Variants in ADCY9 observed in about 807,000 individuals in gnomAD.
The protein encoded by ADCY9 is adenylate cyclase 9.
Under a neutral mutation model 101.5 loss-of-function variants are expected in ADCY9, and 50 were observed. The observed-to-expected ratio is 0.49, with a 90% confidence interval of 0.39 to 0.62. ADCY9 has a LOEUF of 0.62. Ranked by LOEUF, ADCY9 falls within the 20% of genes least tolerant of loss-of-function variation. The probability of loss-of-function intolerance (pLI) is 0.00; values close to 1 mark genes in which losing one functional copy is unlikely to be tolerated. For synonymous variants in ADCY9, 905 were observed against 769.3 expected, an observed-to-expected ratio of 1.18 and a Z score of -2.92; for missense variants, 1,662 against 1,800.4, an observed-to-expected ratio of 0.92 and a Z score of 1.39.
intron 2 of ADCY9, among the ~76,000 whole-genome samples, chr16:4,031,631 C>G (rs574648224): frequency 1.3e-5 from 2 of 152,266 alleles, no homozygotes; most frequent in Non-Finnish European, 1.5e-5. Flanking sequence ...CACCTGGAAT[C>G]GCAGCACTTT....
chr16:3,993,826 C>T (rs549697083), intron 3 of ADCY9, among the ~76,000 whole-genome samples: 6 of 152,200 alleles, frequency 3.9e-5, no homozygotes, highest in Non-Finnish European at 8.8e-5. Context: ...GAAGCACTGA[C>T]GCCTGCCACA....
chr16:3,984,955 C>CT (rs1484386030), intron 6 of ADCY9, among the ~76,000 whole-genome samples: 1 of 152,070 alleles, frequency 6.6e-6, no homozygotes, highest in African/African-American at 2.4e-5. Flanking sequence ...GGGAGCAAGG[C>CT]TGCCAGTCAG....
At position 4,044,144 on chromosome 16, in the gene ADCY9, C is replaced by G. The variant is rs189157472; in HGVS notation, c.1694-36586G>C. 6.8e-4 allele frequency among the ~76,000 whole-genome samples: 103 copies of G among 152,128 alleles called. 1 individual carries two copies. In the Middle Eastern group the frequency reaches 0.014, roughly 20 times the overall value. On this transcript the variant is annotated intron_variant, in intron 2 of 10. Transcript: ENST00000294016. ...GGCGGATCACCTGAGATCAGGAGTT[C>G]GACACCAGTCTAGCCAACATGGTGC...
intron 2 of ADCY9, among the ~76,000 whole-genome samples, chr16:4,065,971 T>G (rs941419449): frequency 6.6e-6 from 1 of 152,248 alleles, no homozygotes; most frequent in Admixed American, 6.5e-5. Flanking sequence ...CCCAAAGTGC[T>G]GGGATTACAG....
In ADCY9 at chr16:3,979,105, C is replaced by G. The variant is rs778577558; in HGVS notation, c.2679+11G>C. The G allele has an allele frequency of 6.2e-7, 1 of 1,614,130 alleles. No individual in the cohort carries two copies. Among genetic ancestry groups the G allele is most frequent in the African/African-American group, 1.3e-5 (1 of 75,030 alleles). On this transcript the variant is annotated intron_variant, in intron 8 of 10. Coordinates refer to ENST00000294016, the MANE Select transcript of ADCY9 (RefSeq NM_001116.4). The stretch of plus-strand genomic sequence containing the variant: ...AGAGCGTGGAAATAAAACGGCTGAG[C>G]CTTTACTTACGTGTATGTTGGTCTC...
chr16:4,039,866 C>T (rs1405285051), intron 2 of ADCY9, among the ~76,000 whole-genome samples: 2 of 151,958 alleles, frequency 1.3e-5, no homozygotes, highest in African/African-American at 4.8e-5. Context: ...TAGTGAGATC[C>T]CATCTCTACG....
chr16:4,042,306 A>G (rs1055221118), intron 2 of ADCY9, among the ~76,000 whole-genome samples: 3 of 152,028 alleles, frequency 2.0e-5, no homozygotes, highest in Admixed American at 6.6e-5. Flanking sequence ...GGCTTAAGCA[A>G]TTCTCCCGCT....
At chr16:3,991,113 T>C (rs1383054886) in intron 5 of ADCY9, among the ~76,000 whole-genome samples, 1 of 152,202 alleles carries the variant, frequency 6.6e-6, no homozygotes, top group Non-Finnish European at 1.5e-5. Context: ...AATCACCCTT[T>C]GAGGCATTAT....
At chr16:4,036,464 T>TTG (rs916366676) in intron 2 of ADCY9, among the ~76,000 whole-genome samples, 5 of 130,842 alleles carry the variant, frequency 3.8e-5, no homozygotes, top group African/African-American at 1.5e-4. Flanking sequence ...GTTTGTTTGT[T>TTG]TTTTTTTTTT....
At chr16:4,065,061 G>A (rs926644834) in intron 2 of ADCY9, among the ~76,000 whole-genome samples, 3 of 152,144 alleles carry the variant, frequency 2.0e-5, no homozygotes, top group Non-Finnish European at 4.4e-5. Context: ...CCATCACCAG[G>A]CTTCAATTTA....
chr16:3,966,982 A>C lies in ADCY9; in HGVS notation c.2871-16T>G, dbSNP rs1164094439. 1.3e-6 allele frequency: 2 copies of C among 1,598,670 alleles called. No individual in the cohort carries two copies. Among genetic ancestry groups the C allele is most frequent in the Non-Finnish European group, 1.7e-6 (2 of 1,170,800 alleles). On this transcript the variant is annotated splice_polypyrimidine_tract_variant and intron_variant, in intron 10 of 10. Transcript: ENST00000294016. ...CCTCTCGGAACTGGAGAGCAAAGACACGGGAAAGGGAGAGGTTACTGCTCG... is the reference window on the plus strand; with the variant it reads ...CCTCTCGGAACTGGAGAGCAAAGACCCGGGAAAGGGAGAGGTTACTGCTCG...
chr16:4,006,342 C>T (rs890984032), intron 3 of ADCY9, among the ~76,000 whole-genome samples: 7 of 152,186 alleles, frequency 4.6e-5, no homozygotes, highest in African/African-American at 1.4e-4. Flanking sequence ...AAGCACCCAA[C>T]GACCGCGATC....
chr16:4,000,477 A>T (rs2056322088), intron 3 of ADCY9, among the ~76,000 whole-genome samples: 1 of 152,240 alleles, frequency 6.6e-6, no homozygotes. Context: ...ATAAGTACAA[A>T]ATAGAGTATT....
chr16:4,054,646 C>T (rs2056724944), intron 2 of ADCY9, among the ~76,000 whole-genome samples: 1 of 151,898 alleles, frequency 6.6e-6, no homozygotes, highest in African/African-American at 2.4e-5. Flanking sequence ...TCTCGGCTCA[C>T]TGCAAGCTAC....
intron 2 of ADCY9, among the ~76,000 whole-genome samples, chr16:4,027,976 C>G (rs1017038112): frequency 6.6e-6 from 1 of 152,060 alleles, no homozygotes; most frequent in African/African-American, 2.4e-5. Flanking sequence ...ATTCAATTAC[C>G]TCCCACTGGG....
At position 4,007,383 on chromosome 16, in the gene ADCY9, G is replaced by T; in HGVS notation, c.1869C>A (p.Thr623=). Residue 623 remains threonine (T), a synonymous_variant, in exon 3 of 11, where the codon ACC becomes ACA. Coordinates refer to ENST00000294016, the MANE Select transcript of ADCY9 (RefSeq NM_001116.4). The stretch of plus-strand genomic sequence containing the variant: ...AAAAACTAACCTTAAGGTTATCAAA[G>T]GTTTTGACAGTCTGCGCCAAGTCAC... The part of the protein sequence containing the change: ...NVSDLAQTVK[T]FDNLKTCPSC... 1 of 1,576,106 alleles carries T rather than the reference G, an allele frequency of 6.3e-7. No homozygotes were observed. The highest frequency in any genetic ancestry group is 8.6e-7 in the Non-Finnish European group (1 of 1,166,360).
intron 6 of ADCY9, 149 bp downstream of exon 6, chr16:3,988,845 C>A: frequency 1.5e-6 from 1 of 673,106 alleles, no homozygotes; most frequent in Non-Finnish European, 2.7e-6. Flanking sequence ...ATTTCATGTA[C>A]AGTTGCCACT....
At chr16:4,013,084 T>G (rs1156329347) in intron 2 of ADCY9, among the ~76,000 whole-genome samples, 1 of 151,872 alleles carries the variant, frequency 6.6e-6, no homozygotes, top group Non-Finnish European at 1.5e-5. Flanking sequence ...AGATCCCATC[T>G]CTATAAAAAA....
intron 2 of ADCY9, among the ~76,000 whole-genome samples, chr16:4,085,160 G>A (rs573985745): frequency 3.9e-5 from 6 of 152,232 alleles, no homozygotes; most frequent in African/African-American, 7.2e-5. Context: ...TCAGGAGTTC[G>A]AGACCAGCCT....
Sources: gnomAD v4.1 joint callset for allele counts (sites outside exome capture counted in the v4.1 genomes callset) on GRCh38, gnomAD v4.1.1 for gene constraint, MANE v1.5 for transcripts, NCBI Gene and HGNC (gene_info 2026-07-23, HGNC 2026-07-21) for gene names.